Variants in FNDC3B observed in about 807,000 individuals in gnomAD.
The protein encoded by FNDC3B is fibronectin type III domain containing 3B.
A neutral mutation model predicts 151.5 loss-of-function variants in FNDC3B; 12 were observed. The ratio of observed to expected loss-of-function variants is 0.08; its 90% CI spans 0.05 to 0.13. The LOEUF is 0.13. Ranked by LOEUF, FNDC3B falls within the 10% of genes least tolerant of loss-of-function variation. The pLI is 1.00. For synonymous variants in FNDC3B, 528 were observed against 549.0 expected, an observed-to-expected ratio of 0.96 and a Z score of 0.54; for missense variants, 1,214 against 1,505.3, an observed-to-expected ratio of 0.81 and a Z score of 3.20.
At chr3:172,354,583 G>A (rs897545422) in intron 22 of FNDC3B, among the ~76,000 whole-genome samples, 3 of 151,610 alleles carry the variant, frequency 2.0e-5, no homozygotes, top group Non-Finnish European at 4.4e-5. Flanking sequence ...ACACAATTGG[G>A]TATACTGTAT....
intron 3 of FNDC3B, among the ~76,000 whole-genome samples, chr3:172,215,542 G>A (rs1366825831): frequency 6.6e-6 from 1 of 152,178 alleles, no homozygotes; most frequent in Non-Finnish European, 1.5e-5. Flanking sequence ...TGACCAACAT[G>A]GTGAAACCCT....
chr3:172,182,825 A>G (rs1034963290), intron 3 of FNDC3B, among the ~76,000 whole-genome samples: 4 of 152,260 alleles, frequency 2.6e-5, no homozygotes, highest in African/African-American at 9.6e-5. Flanking sequence ...TGTGTGAATG[A>G]GAAATGGAGA....
rs543422759 is a variant in FNDC3B at position 172,188,094 on chromosome 3, C to T, written c.188-38777C>T. Among the ~76,000 whole-genome samples, 13 of 150,020 alleles carry T rather than the reference C, an allele frequency of 8.7e-5. No individual in the cohort carries two copies. The South Asian group carries it at 2.7e-3, about 32-fold the overall frequency. On this transcript the variant is annotated intron_variant, in intron 3 of 25. Transcript: ENST00000415807. Reference sequence around the variant, plus strand: ...CACTGCAACCTCCGCCTCCCAGGTTCAAGCGATTCTCCTGCCTCAGCCTCC... The same window carrying T: ...CACTGCAACCTCCGCCTCCCAGGTTTAAGCGATTCTCCTGCCTCAGCCTCC...
At chr3:172,179,057 T>A (rs1484545111) in intron 3 of FNDC3B, among the ~76,000 whole-genome samples, 1 of 152,178 alleles carries the variant, frequency 6.6e-6, no homozygotes, top group East Asian at 1.9e-4. Context: ...TCTTATTTAT[T>A]TATTTATTTG....
At chr3:172,249,748 G>A (rs995243347) in intron 5 of FNDC3B, among the ~76,000 whole-genome samples, 3 of 152,142 alleles carry the variant, frequency 2.0e-5, no homozygotes, top group Non-Finnish European at 2.9e-5. Flanking sequence ...GATTATATTT[G>A]TTTTGACACG....
intron 1 of FNDC3B, among the ~76,000 whole-genome samples, chr3:172,101,555 T>G (rs1268835650): frequency 6.6e-6 from 1 of 152,206 alleles, no homozygotes; most frequent in African/African-American, 2.4e-5. Flanking sequence ...AGGTCCTTCT[T>G]TTGGAATATT....
rs755223783 is a variant in FNDC3B, at chr3:172,181,395, C to CAAAAAAAAAAAAAAAAAA, written c.188-45474_188-45457dup. Among the ~76,000 whole-genome samples the CAAAAAAAAAAAAAAAAAA allele has an allele frequency of 7.0e-5, 5 of 71,532 alleles. 1 individual carries two copies. Among genetic ancestry groups the CAAAAAAAAAAAAAAAAAA allele is most frequent in the African/African-American group, 3.1e-4 (5 of 16,034 alleles). The allele number at this position is 71,532 out of a possible 152,430, so 46.9% of individuals were successfully genotyped here. ...GGGTGCCAGAGTGAGACTCTGTCTC[C>CAAAAAAAAAAAAAAAAAA]AAAAAAAAAAAAAAAAAAACAAAAA... On this transcript the variant is annotated intron_variant, in intron 3 of 25. Coordinates refer to ENST00000415807, the MANE Select transcript of FNDC3B (RefSeq NM_022763.4).
intron 25 of FNDC3B, among the ~76,000 whole-genome samples, chr3:172,382,474 A>G (rs1735509427): frequency 6.6e-6 from 1 of 152,176 alleles, no homozygotes; most frequent in African/African-American, 2.4e-5. Context: ...TAGTTTAATT[A>G]GATCCCATTT....
intron 3 of FNDC3B, among the ~76,000 whole-genome samples, chr3:172,213,946 G>A (rs1219132968): frequency 6.6e-6 from 1 of 152,124 alleles, no homozygotes; most frequent in Non-Finnish European, 1.5e-5. Flanking sequence ...ATTGTAGCTT[G>A]TTTAGTAAAA....
At chr3:172,350,460 T>C (rs1173096297) in intron 21 of FNDC3B, among the ~76,000 whole-genome samples, 1 of 152,234 alleles carries the variant, frequency 6.6e-6, no homozygotes. Context: ...GCCCCTGTGA[T>C]ACATTTATAT....
At chr3:172,192,169 G>GTTTTTTTT (rs200952601) in intron 3 of FNDC3B, among the ~76,000 whole-genome samples, 1 of 87,364 alleles carries the variant, frequency 1.1e-5, no homozygotes, top group Non-Finnish European at 2.4e-5. Flanking sequence ...TTTTGTGTGT[G>GTTTTTTTT]TTTTTTGTTT....
chr3:172,289,614 A>T (rs1320783460), intron 7 of FNDC3B, among the ~76,000 whole-genome samples: 1 of 152,162 alleles, frequency 6.6e-6, no homozygotes, highest in African/African-American at 2.4e-5. Context: ...ATTGTGTGTT[A>T]TTTAACTTTT....
intron 25 of FNDC3B, 49 bp from the exon 26 acceptor site, chr3:172,397,115 C>T (rs760237206): frequency 3.3e-5 from 47 of 1,438,888 alleles, no homozygotes; most frequent in Middle Eastern, 1.8e-4. Flanking sequence ...CTTCTAGAGA[C>T]AACAGTGTTG....
At chr3:172,264,047 C>T (rs772759627) in intron 6 of FNDC3B, among the ~76,000 whole-genome samples, 8 of 152,080 alleles carry the variant, frequency 5.3e-5, no homozygotes, top group Non-Finnish European at 1.2e-4. Flanking sequence ...AGTGCAGTGG[C>T]GCTATCACAG....
At chr3:172,391,031 A>G (rs573681885) in intron 25 of FNDC3B, among the ~76,000 whole-genome samples, 1 of 152,252 alleles carries the variant, frequency 6.6e-6, no homozygotes, top group Admixed American at 6.5e-5. Context: ...AAAGTGGAGG[A>G]CAATAATGGA....
At chr3:172,077,429 T>C (rs1276799826) in intron 1 of FNDC3B, among the ~76,000 whole-genome samples, 1 of 152,230 alleles carries the variant, frequency 6.6e-6, no homozygotes, top group African/African-American at 2.4e-5. Flanking sequence ...ATTGCATTGA[T>C]CCAGCGGTGT....
chr3:172,397,340 C>T lies in FNDC3B; in HGVS notation c.3480C>T (p.Asp1160=), dbSNP rs1736340902. ...LQRSEVMLTG[D]MGSLDDPKMK... ...GAAGTGAGGTCATGCTTACAGGGGA[C>T]ATGGGGAGCTTAGATGATCCCAAAA... Residue 1160 remains aspartate (D), a synonymous_variant, in exon 26 of 26, where the codon GAC becomes GAT. Coordinates refer to ENST00000415807, the MANE Select transcript of FNDC3B (RefSeq NM_022763.4). 3.7e-6 allele frequency: 6 copies of T among 1,614,000 alleles called. No homozygotes were observed. The highest frequency in any genetic ancestry group is 5.1e-6 in the Non-Finnish European group (6 of 1,179,978).
intron 3 of FNDC3B, among the ~76,000 whole-genome samples, chr3:172,201,454 G>A (rs1725150741): frequency 6.6e-6 from 1 of 152,148 alleles, no homozygotes; most frequent in African/African-American, 2.4e-5. Flanking sequence ...CTTTTAGTTA[G>A]CTCCCCAGCA....
At chr3:172,248,710 ATTAATTAT>A (rs1727913468) in intron 5 of FNDC3B, among the ~76,000 whole-genome samples, 1 of 138,924 alleles carries the variant, frequency 7.2e-6, no homozygotes, top group African/African-American at 3.0e-5. Flanking sequence ...TTTCTATATA[ATTAATTAT>A]TTATTTATAA....
Sources: allele counts gnomAD v4.1 joint callset (sites outside exome capture counted in the v4.1 genomes callset), GRCh38; gene constraint gnomAD v4.1.1; transcripts MANE v1.5; gene names NCBI Gene and HGNC (gene_info 2026-07-23, HGNC 2026-07-21).